PALM2AKAP2: variants seen among roughly 807,000 people sequenced by gnomAD.
PALM2AKAP2 encodes the protein PALM2-AKAP2 fusion protein.
In PALM2AKAP2, 37 loss-of-function variants were observed where a neutral mutation model predicts 71.5. The observed-to-expected ratio is 0.52, with a 90% CI of 0.40 to 0.68. The LOEUF (loss-of-function observed/expected upper bound fraction) is 0.68. PALM2AKAP2 is among the 30% of genes least tolerant of loss of function. The pLI is 0.00. For synonymous variants in PALM2AKAP2, 468 were observed against 478.8 expected (o/e 0.98, Z 0.29); for missense variants, 1,224 against 1,191.8 (o/e 1.03, Z -0.40).
intron 6 of PALM2AKAP2, among the ~76,000 whole-genome samples, chr9:109,977,406 G>T (rs1438433629): frequency 1.3e-5 from 2 of 152,068 alleles, no homozygotes; most frequent in African/African-American, 4.8e-5. Context: ...GGGCTTTAAT[G>T]ACTTGCTCGA....
chr9:109,947,841 T>G (rs891194225), intron 6 of PALM2AKAP2, among the ~76,000 whole-genome samples: 4 of 152,206 alleles, frequency 2.6e-5, no homozygotes, highest in Non-Finnish European at 2.9e-5. Flanking sequence ...AACCACAGAT[T>G]CTCAGCATAA....
chr9:110,116,363 CGT>C (rs964610072), intron 1 of PALM2AKAP2, among the ~76,000 whole-genome samples: 1 of 151,060 alleles, frequency 6.6e-6, no homozygotes, highest in Non-Finnish European at 1.5e-5. Flanking sequence ...CCCGTGTGTG[CGT>C]GTGTGTGTGC....
intron 3 of PALM2AKAP2, among the ~76,000 whole-genome samples, chr9:109,918,026 G>A (rs1016043816): frequency 6.6e-6 from 1 of 152,178 alleles, no homozygotes. Context: ...ACACTCCCAG[G>A]CAGAACCAAC....
chr9:109,834,426 C>T (rs549140211), intron 1 of PALM2AKAP2, among the ~76,000 whole-genome samples: 45 of 152,136 alleles, frequency 3.0e-4, no homozygotes, highest in Non-Finnish European at 5.1e-4. Context: ...ACTGATGTGC[C>T]GGTGAGAGTC....
chr9:109,775,918 T>C (rs556643249), upstream of PALM2AKAP2, among the ~76,000 whole-genome samples: 23 of 152,372 alleles, frequency 1.5e-4, no homozygotes, highest in African/African-American at 5.5e-4. Context: ...CCTTTTCGTA[T>C]AATGCTTTGC....
chr9:110,016,109 T>A, intron 7 of PALM2AKAP2, 70 bp downstream of exon 7: 3 of 1,470,694 alleles, frequency 2.0e-6, no homozygotes, highest in Non-Finnish European at 2.8e-6. Context: ...GGCAGGTTTT[T>A]CTGGGGGCAA....
upstream of PALM2AKAP2, among the ~76,000 whole-genome samples, chr9:109,776,456 A>C (rs1219236247): frequency 2.6e-5 from 4 of 152,212 alleles, no homozygotes; most frequent in Non-Finnish European, 4.4e-5. Context: ...GAACGTCCAA[A>C]GAAGGAAGCT....
intron 1 of PALM2AKAP2, among the ~76,000 whole-genome samples, chr9:110,077,125 C>A (rs1834340460): frequency 6.6e-6 from 1 of 152,208 alleles, no homozygotes; most frequent in Non-Finnish European, 1.5e-5. Flanking sequence ...TGGAGCCTGA[C>A]AATCCTGGGT....
exon 2 of PALM2AKAP2, chr9:110,138,262 G>A (rs1206660342): frequency 1.2e-6 from 2 of 1,614,106 alleles, no homozygotes; most frequent in Non-Finnish European, 1.7e-6. Flanking sequence ...AGGAGACCAG[G>A]CCCGAAGGAA....
chr9:109,701,496 G>C (rs1006854186), intron 1 of PALM2AKAP2, among the ~76,000 whole-genome samples: 1 of 152,168 alleles, frequency 6.6e-6, no homozygotes, highest in Admixed American at 6.5e-5. Flanking sequence ...AATGGGGAAA[G>C]GATTACCTAT....
chr9:110,110,798 C>T (rs1835232094), intron 1 of PALM2AKAP2, among the ~76,000 whole-genome samples: 1 of 152,024 alleles, frequency 6.6e-6, no homozygotes, highest in South Asian at 2.1e-4. Context: ...CCACCTGCCC[C>T]AGCCTCCCAA....
At position 109,671,067 on chromosome 9, in the gene PALM2AKAP2, G is replaced by GAGAATCA. The variant is rs560653350; in HGVS notation, c.5+30201_5+30202insAGAATCA. Reference sequence around the variant, plus strand: ...ATGCAGAAATTTCTCTGATTCTTTAGGTTGTCTGTTTACTTTGTTGATAGT... The same window carrying GAGAATCA: ...ATGCAGAAATTTCTCTGATTCTTTAGAGAATCAGTTGTCTGTTTACTTTGTTGATAGT... On this transcript the variant is annotated intron_variant, in intron 1 of 6. Transcript: ENST00000374531. Among the ~76,000 whole-genome samples, 170 of 152,146 alleles carry GAGAATCA rather than the reference G, an allele frequency of 1.1e-3. 1 individual carries two copies. The highest frequency in any genetic ancestry group is 3.8e-3 in the African/African-American group (159 of 41,504).
In PALM2AKAP2 at chr9:109,923,715, T is replaced by C; in HGVS notation, c.258-20T>C. 6.3e-7 allele frequency: 1 copy of C among 1,576,278 alleles called. No individual in the cohort carries two copies. Among genetic ancestry groups the C allele is most frequent in the Non-Finnish European group, 8.6e-7 (1 of 1,165,188 alleles). ...GGCAGGACAATAAAGTAACTTGTCC[T>C]TTGTTTGTGTGTTTTCCAGGCTGGA... On this transcript the variant is annotated intron_variant, in intron 3 of 9. Coordinates refer to the PALM2AKAP2 transcript ENST00000302798.
chr9:109,969,415 G>GT (rs1425076980), intron 6 of PALM2AKAP2, among the ~76,000 whole-genome samples: 7 of 152,208 alleles, frequency 4.6e-5, no homozygotes, highest in African/African-American at 1.7e-4. Flanking sequence ...AAGGGTAGCA[G>GT]TATCAGTCTT....
chr9:109,702,761 A>G (rs1198703749), intron 1 of PALM2AKAP2, among the ~76,000 whole-genome samples: 2 of 151,342 alleles, frequency 1.3e-5, no homozygotes, highest in Non-Finnish European at 1.5e-5. Context: ...ATAAAAAAAA[A>G]AAAAGAAAAT....
intron 3 of PALM2AKAP2, among the ~76,000 whole-genome samples, chr9:110,159,932 T>C (rs970459648): frequency 1.3e-5 from 2 of 152,350 alleles, no homozygotes; most frequent in African/African-American, 2.4e-5. Context: ...TTGAGCAAAG[T>C]ACTCCCTTTA....
At chr9:110,006,983 G>A (rs938678820) in intron 6 of PALM2AKAP2, among the ~76,000 whole-genome samples, 3 of 152,166 alleles carry the variant, frequency 2.0e-5, no homozygotes, top group African/African-American at 7.2e-5. Context: ...ATTGGTTTAG[G>A]AGTAGGTTTA....
intron 1 of PALM2AKAP2, among the ~76,000 whole-genome samples, chr9:109,749,884 A>G (rs1005840129): frequency 3.9e-5 from 6 of 152,158 alleles, no homozygotes; most frequent in Non-Finnish European, 7.4e-5. Flanking sequence ...CTTGGATAAT[A>G]TCAAAGGTAT....
intron 6 of PALM2AKAP2, among the ~76,000 whole-genome samples, chr9:110,003,097 T>C (rs1832711816): frequency 1.3e-5 from 2 of 152,220 alleles, no homozygotes; most frequent in South Asian, 4.1e-4. Context: ...TTGCTCTTAC[T>C]TCTCTAGTTC....
Sources: allele counts gnomAD v4.1 joint callset (sites outside exome capture counted in the v4.1 genomes callset), GRCh38; gene constraint gnomAD v4.1.1; transcripts MANE v1.5; gene names NCBI Gene and HGNC (gene_info 2026-07-23, HGNC 2026-07-21).